Variants in SPOCK2 observed in about 807,000 individuals in gnomAD.
SPOCK2 encodes the protein testican-2.
SPOCK2 carries 39 observed loss-of-function variants against 60.1 expected under a neutral mutation model. The observed-to-expected ratio is 0.65, with a 90% CI of 0.50 to 0.85. The LOEUF (loss-of-function observed/expected upper bound fraction) is 0.85, where lower values mean the gene tolerates loss of function less well. Among genes scored for constraint, SPOCK2 ranks in the 40% least tolerant of loss-of-function variants. The probability of loss-of-function intolerance (pLI) is 0.00; values close to 1 mark genes in which losing one functional copy is unlikely to be tolerated. For synonymous variants in SPOCK2, 217 were observed against 231.5 expected, an observed-to-expected ratio of 0.94 and a Z score of 0.57; for missense variants, 523 against 567.4, an observed-to-expected ratio of 0.92 and a Z score of 0.80.
rs1220192446 is a variant in SPOCK2, at chr10:72,067,741, C to G, written c.590-9G>C. On this transcript the variant is annotated splice_polypyrimidine_tract_variant and intron_variant, in intron 6 of 10. Transcript: ENST00000373109. ...CTGACCGGTGCAAGTCTCTGCAGAACAGAGAGAAGGCATGGAGGGCGAATG... is the reference window on the plus strand; with the variant it reads ...CTGACCGGTGCAAGTCTCTGCAGAAGAGAGAGAAGGCATGGAGGGCGAATG... The G allele has an allele frequency of 6.2e-7, 1 of 1,612,568 alleles. No individual in the cohort carries two copies. Among genetic ancestry groups the G allele is most frequent in the Non-Finnish European group, 8.5e-7 (1 of 1,179,494 alleles).
At chr10:72,073,736 G>A (rs776078884) in intron 1 of SPOCK2, among the ~76,000 whole-genome samples, 1 of 152,250 alleles carries the variant, frequency 6.6e-6, no homozygotes, top group Non-Finnish European at 1.5e-5. Context: ...TGCTCCAGCT[G>A]CAGGGGCCTC....
intron 1 of SPOCK2, among the ~76,000 whole-genome samples, chr10:72,073,314 C>T (rs995000412): frequency 1.3e-5 from 2 of 152,230 alleles, no homozygotes; most frequent in African/African-American, 4.8e-5. Context: ...TGTCTGTCTC[C>T]TGCCAAGGCC....
At chr10:72,064,761 T>C (rs990640366) in intron 8 of SPOCK2, among the ~76,000 whole-genome samples, 3 of 152,184 alleles carry the variant, frequency 2.0e-5, no homozygotes, top group Non-Finnish European at 2.9e-5. Flanking sequence ...GACGGAGTCT[T>C]GCTCTGTCAC....
At chr10:72,083,088 C>T (rs767061924) in intron 1 of SPOCK2, among the ~76,000 whole-genome samples, 5 of 152,176 alleles carry the variant, frequency 3.3e-5, no homozygotes, top group Admixed American at 6.5e-5. Context: ...AGAGATGATA[C>T]GTGTGTCCTC....
rs111444916 is a variant in SPOCK2, at chr10:72,061,992, G to C, written c.*768C>G. ...CTCAGACAGCTTGGCGAGGCACCCT[G>C]TCCCTGGCCTCTCAGCTGCTGCCCT... On this transcript the variant is annotated 3_prime_UTR_variant, in exon 11 of 11. Transcript: ENST00000373109. 2,505 of 153,668 alleles carry C rather than the reference G, an allele frequency of 0.016. 80 individuals are homozygous for C. The highest frequency in any genetic ancestry group is 0.056 in the African/African-American group (2,346 of 41,576). The allele number at this position is 153,668 out of a possible 1,614,324, so 9.5% of individuals were successfully genotyped here.
intron 1 of SPOCK2, among the ~76,000 whole-genome samples, chr10:72,085,097 C>T (rs1840837652): frequency 1.3e-5 from 2 of 152,220 alleles, no homozygotes; most frequent in Admixed American, 6.5e-5. Flanking sequence ...AAGTGTCCAT[C>T]CCTCTAGGCC....
intron 1 of SPOCK2, among the ~76,000 whole-genome samples, chr10:72,085,422 T>C (rs982551214): frequency 6.6e-6 from 1 of 152,212 alleles, no homozygotes; most frequent in Non-Finnish European, 1.5e-5. Context: ...ATAATCCTAG[T>C]GCTCAGAGAA....
At chr10:72,075,204 T>A (rs1205674832) in intron 1 of SPOCK2, among the ~76,000 whole-genome samples, 1 of 152,054 alleles carries the variant, frequency 6.6e-6, no homozygotes, top group African/African-American at 2.4e-5. Context: ...GAGGCCATGA[T>A]GACAAGGGTT....
intron 1 of SPOCK2, among the ~76,000 whole-genome samples, chr10:72,075,620 C>T (rs924107505): frequency 6.6e-6 from 1 of 152,200 alleles, no homozygotes; most frequent in East Asian, 1.9e-4. Context: ...CGTGGGAGTT[C>T]TAAGAAAGGG....
Position 72,062,993 on chromosome 10 carries a change from C to T in SPOCK2, c.1129+32G>A, listed in dbSNP as rs1349029470. On this transcript the variant is annotated intron_variant, in intron 10 of 10. Coordinates refer to ENST00000373109, the MANE Select transcript of SPOCK2 (RefSeq NM_001244950.2). The surrounding 1 kb of genome is among the most constrained non-coding windows in gnomAD (Gnocchi z 4.3). Reference sequence around the variant, plus strand: ...ACGACAAGGGCCCCCAGGCCTGGGCCCCCAGCAGGCCCTGAGCTGCCCAGC... The same window carrying T: ...ACGACAAGGGCCCCCAGGCCTGGGCTCCCAGCAGGCCCTGAGCTGCCCAGC... The T allele has an allele frequency of 6.4e-7, 1 of 1,567,434 alleles. No individual in the cohort carries two copies. The highest frequency in any genetic ancestry group is 1.7e-4 in the Middle Eastern group (1 of 6,010).
intron 1 of SPOCK2, among the ~76,000 whole-genome samples, chr10:72,082,931 G>GAGAAAAGCATAA (rs112469846): frequency 2.0e-5 from 3 of 150,414 alleles, no homozygotes; most frequent in East Asian, 2.0e-4. Flanking sequence ...AGGCTATAAT[G>GAGAAAAGCATAA]GCCAGGAAGA....
At chr10:72,074,935 C>A (rs1840696169) in intron 1 of SPOCK2, among the ~76,000 whole-genome samples, 1 of 151,760 alleles carries the variant, frequency 6.6e-6, no homozygotes, top group Non-Finnish European at 1.5e-5. Context: ...CCCCTGGGCC[C>A]AGGAGCAGAC....
rs936428599 is a variant in SPOCK2, at chr10:72,087,705, C to T, written c.189+435G>A. 3.9e-5 allele frequency among the ~76,000 whole-genome samples: 6 copies of T among 152,356 alleles called. No individual in the cohort carries two copies. Among genetic ancestry groups the T allele is most frequent in the Admixed American group, 1.3e-4 (2 of 15,312 alleles). ...TCACTGCCGGCCCCACCCAGACCTG[C>T]CGGTGCTGCAGTGCCCCGTATGTGC... On this transcript the variant is annotated intron_variant, in intron 1 of 10. Transcript: ENST00000373109. This position sits in a 1 kb window ranked among gnomAD's most constrained non-coding sequence, Gnocchi z 4.7.
Position 72,068,312 on chromosome 10 carries a change from G to C in SPOCK2, c.475-11C>G, listed in dbSNP as rs749443696. On this transcript the variant is annotated splice_polypyrimidine_tract_variant and intron_variant, in intron 5 of 10. Transcript: ENST00000373109. ...TTGCTCCAGCTTACACTGCACATGGGGAAAGGTGGAACAGGGGACTGAGGG... is the reference window on the plus strand; with the variant it reads ...TTGCTCCAGCTTACACTGCACATGGCGAAAGGTGGAACAGGGGACTGAGGG... 2 of 1,600,062 alleles carry C rather than the reference G, an allele frequency of 1.2e-6. No individual in the cohort carries two copies. Among genetic ancestry groups the C allele is most frequent in the East Asian group, 4.5e-5 (2 of 44,448 alleles).
chr10:72,084,296 T>A (rs1840827243), intron 1 of SPOCK2, among the ~76,000 whole-genome samples: 1 of 152,208 alleles, frequency 6.6e-6, no homozygotes, highest in African/African-American at 2.4e-5. Context: ...CACCTATGCG[T>A]CCCTTTCAGT....
chr10:72,089,009 T>A (rs1343655483), upstream of SPOCK2: 1 of 152,272 alleles, frequency 6.6e-6, no homozygotes, highest in East Asian at 1.9e-4. Flanking sequence ...GTGGCTTCGT[T>A]AAGACAAAAG....
At chr10:72,073,180 C>T (rs147926000) in intron 1 of SPOCK2, among the ~76,000 whole-genome samples, 13 of 152,320 alleles carry the variant, frequency 8.5e-5, no homozygotes, top group African/African-American at 2.2e-4. Context: ...ACCCCCACTC[C>T]GTTCCCAGTC....
chr10:72,082,595 TG>T lies in SPOCK2; in HGVS notation c.189+5544del, dbSNP rs1840800654. 6.6e-5 allele frequency among the ~76,000 whole-genome samples: 10 copies of T among 152,170 alleles called. No individual in the cohort carries two copies. The South Asian group carries it at 2.1e-3, about 32-fold the overall frequency. ...AGAGGCTGGCACAGTGGCTCATGTC[TG>T]TAATCCTAGCACTTTGGGAGGCGGA... On this transcript the variant is annotated intron_variant, in intron 1 of 10. Transcript: ENST00000373109.
chr10:72,086,878 G>A (rs1840863094), intron 1 of SPOCK2: 10 of 1,550,692 alleles, frequency 6.4e-6, no homozygotes. Context: ...AGCCTATGAA[G>A]CATGTGTGTT....
Sources: allele counts gnomAD v4.1 joint callset (sites outside exome capture counted in the v4.1 genomes callset), GRCh38; gene constraint gnomAD v4.1.1; non-coding constraint Gnocchi (gnomAD v3.1); transcripts MANE v1.5; gene names NCBI Gene and HGNC (gene_info 2026-07-23, HGNC 2026-07-21).